BRDT: variants seen among roughly 807,000 people sequenced by gnomAD.
BRDT encodes bromodomain testis associated.
BRDT carries 77 observed loss-of-function variants against 113.9 expected under a neutral mutation model. The ratio of observed to expected loss-of-function variants is 0.68; its 90% CI spans 0.56 to 0.82. BRDT has a LOEUF of 0.82. BRDT is among the 40% of genes least tolerant of loss of function. The pLI, the probability that BRDT is intolerant of heterozygous loss-of-function variation, is 0.00. For synonymous variants in BRDT, 358 were observed against 366.5 expected (o/e 0.98, Z 0.26); for missense variants, 1,027 against 1,105.4 (o/e 0.93, Z 1.01).
rs1684735453 is a variant in BRDT, at chr1:91,981,580, ATTC to A, written c.1865-33_1865-31del. On this transcript the variant is annotated intron_variant, in intron 11 of 18. Transcript: ENST00000399546. ...TTTTAAATGTTCCTGCAACTATTTA[ATTC>A]TTCTGGCATTTTAATATGTTTCTCT... 1.9e-5 allele frequency: 31 copies of A among 1,605,538 alleles called. No individual in the cohort carries two copies. In the East Asian group the frequency reaches 6.9e-4, roughly 36 times the overall value.
chr1:91,994,291 A>G (rs762095474), intron 15 of BRDT, 37 bp downstream of exon 15: 7 of 1,507,324 alleles, frequency 4.6e-6, no homozygotes, highest in Non-Finnish European at 6.3e-6. Flanking sequence ...TTATTGAGAA[A>G]TTGACTTCTA....
At position 91,994,665 on chromosome 1, in the gene BRDT, G is replaced by A. The variant is rs367738384; in HGVS notation, c.2287+411G>A. Among the ~76,000 whole-genome samples, 111 of 151,910 alleles carry A rather than the reference G, an allele frequency of 7.3e-4. No homozygotes were observed. In the East Asian group the frequency reaches 0.02, roughly 27 times the overall value. On this transcript the variant is annotated intron_variant, in intron 15 of 18. Coordinates refer to ENST00000399546, the MANE Select transcript of BRDT (RefSeq NM_207189.4). Reference sequence around the variant, plus strand: ...GCGGATCACGAGGTCAGGAGATTGAGACCATCCCGGCTAAAAAACGGTGAA... The same window carrying A: ...GCGGATCACGAGGTCAGGAGATTGAAACCATCCCGGCTAAAAAACGGTGAA...
chr1:91,976,450 G>A lies in BRDT; in HGVS notation c.618+12G>A. Reference sequence around the variant, plus strand: ...AAACTGCGGCCCAAGTAAGTTTGTTGTAGTTTTTAAATCATTGCTTTTTAA... The same window carrying A: ...AAACTGCGGCCCAAGTAAGTTTGTTATAGTTTTTAAATCATTGCTTTTTAA... On this transcript the variant is annotated intron_variant, in intron 5 of 18. Transcript: ENST00000399546. The A allele has an allele frequency of 1.3e-6, 2 of 1,518,032 alleles. No individual in the cohort carries two copies. The highest frequency in any genetic ancestry group is 1.8e-6 in the Non-Finnish European group (2 of 1,136,898). 94.0% of individuals were successfully genotyped at this position (1,518,032 alleles called of 1,614,324 possible).
chr1:91,960,233 C>A (rs972642286), intron 1 of BRDT, among the ~76,000 whole-genome samples: 2 of 152,062 alleles, frequency 1.3e-5, no homozygotes, highest in African/African-American at 4.8e-5. Context: ...GGTCCTGAGA[C>A]ACTTGTAAAC....
At chr1:91,951,439 CTG>C (rs1681063724) in intron 1 of BRDT, among the ~76,000 whole-genome samples, 1 of 151,444 alleles carries the variant, frequency 6.6e-6, no homozygotes, top group Non-Finnish European at 1.5e-5. Context: ...TTTGAAGTGG[CTG>C]AGATTGGCAT....
chr1:91,960,114 G>A (rs1191171160), intron 1 of BRDT, among the ~76,000 whole-genome samples: 1 of 152,158 alleles, frequency 6.6e-6, no homozygotes, highest in Admixed American at 6.6e-5. Flanking sequence ...GTGAAATCAT[G>A]TATTGACCAT....
chr1:91,966,000 C>T (rs1327566827), intron 3 of BRDT, among the ~76,000 whole-genome samples: 1 of 152,064 alleles, frequency 6.6e-6, no homozygotes, highest in Non-Finnish European at 1.5e-5. Context: ...TGAATTTGCC[C>T]ATATGATATA....
At position 91,976,280 on chromosome 1, in the gene BRDT, A is replaced by G. The variant is rs745388701; in HGVS notation, c.460A>G (p.Ile154Val). 4 of 1,608,808 alleles carry G rather than the reference A, an allele frequency of 2.5e-6. No homozygotes were observed. Among genetic ancestry groups the G allele is most frequent in the African/African-American group, 2.7e-5 (2 of 74,706 alleles). The change falls in exon 5 of 19, where the codon ATA becomes GTA. Residue 154 changes from isoleucine (I) to valine (V), a missense_variant. Coordinates refer to ENST00000399546, the MANE Select transcript of BRDT (RefSeq NM_207189.4). The stretch of plus-strand genomic sequence containing the variant: ...TACTTTTCCAGGCACTCAACAGAAT[A>G]TAGCTGTTTCTTCTGCTAAAGAAAA... ...ERIKKGTQQN[I>V]AVSSAKEKSS...
At chr1:91,955,188 G>A (rs1487478005) in intron 1 of BRDT, among the ~76,000 whole-genome samples, 3 of 152,150 alleles carry the variant, frequency 2.0e-5, no homozygotes, top group Non-Finnish European at 2.9e-5. Flanking sequence ...GGGTGCGGTG[G>A]CTCAATCCTG....
At chr1:91,996,314 C>CCT (rs1686329678) in intron 15 of BRDT, among the ~76,000 whole-genome samples, 1 of 152,034 alleles carries the variant, frequency 6.6e-6, no homozygotes, top group Non-Finnish European at 1.5e-5. Context: ...AGTAGCACAA[C>CCT]CTCTGCTCAC....
At chr1:91,986,452 T>C (rs1685249126) in intron 12 of BRDT, among the ~76,000 whole-genome samples, 1 of 152,216 alleles carries the variant, frequency 6.6e-6, no homozygotes, top group Admixed American at 6.5e-5. Context: ...TTTTTCAGTG[T>C]ACTTAATTTC....
rs767644399 is a variant in BRDT at position 91,962,820 on chromosome 1, T to C, written c.66T>C (p.Thr22=). The C allele has an allele frequency of 1.2e-6, 2 of 1,612,494 alleles. No homozygotes were observed. Among genetic ancestry groups the C allele is most frequent in the East Asian group, 2.2e-5 (1 of 44,836 alleles). The part of the protein sequence containing the change: ...VNPPPPEYIN[T]KKNGRLTNQL... ...CTCCTCCACCAGAATATATAAATACTAAGAAAAATGGGCGATTGACAAATC... is the reference window on the plus strand; with the variant it reads ...CTCCTCCACCAGAATATATAAATACCAAGAAAAATGGGCGATTGACAAATC... Residue 22 remains threonine (T), a synonymous_variant, in exon 2 of 19, where the codon ACT becomes ACC. Transcript: ENST00000399546.
chr1:92,000,147 G>C (rs758569286), intron 15 of BRDT, among the ~76,000 whole-genome samples: 3 of 152,180 alleles, frequency 2.0e-5, no homozygotes, highest in Non-Finnish European at 2.9e-5. Flanking sequence ...CAAAGTGCTG[G>C]GATTGCAGGC....
chr1:91,970,139 G>GT (rs551560545), intron 4 of BRDT, among the ~76,000 whole-genome samples: 18 of 151,748 alleles, frequency 1.2e-4, no homozygotes, highest in East Asian at 1.2e-3. Context: ...CTACATTTAA[G>GT]TTTTTTGTTA....
chr1:91,987,675 T>A (rs1685383256), intron 12 of BRDT, among the ~76,000 whole-genome samples: 1 of 125,646 alleles, frequency 8.0e-6, no homozygotes, highest in Non-Finnish European at 1.9e-5. Context: ...TTTGTTTTTT[T>A]AAATCATATT....
At position 91,978,232 on chromosome 1, in the gene BRDT, T is replaced by C; in HGVS notation, c.1034T>C (p.Phe345Ser). Reference protein sequence around the residue: ...YKFAADVRLMFMNCYKYNPPD... With the variant: ...YKFAADVRLMSMNCYKYNPPD... ...TTTGCGGCAGATGTTAGATTAATGT[T>C]CATGAATTGCTACAAGTACAATCCT... The change falls in exon 7 of 19, where the codon TTC becomes TCC. Residue 345 changes from phenylalanine to serine, a missense_variant. Transcript: ENST00000399546. 1 of 1,614,124 alleles carries C rather than the reference T, an allele frequency of 6.2e-7. No homozygotes were observed.
At chr1:91,954,557 G>A (rs1007355480) in intron 1 of BRDT, among the ~76,000 whole-genome samples, 1 of 152,184 alleles carries the variant, frequency 6.6e-6, no homozygotes, top group Admixed American at 6.6e-5. Flanking sequence ...TGGGTTTACA[G>A]ACATGAGCCA....
chr1:91,994,863 G>A (rs1414527916), intron 15 of BRDT, among the ~76,000 whole-genome samples: 5 of 57,788 alleles, frequency 8.7e-5, no homozygotes, highest in Admixed American at 3.1e-4. Context: ...GCAAGACTCC[G>A]TCTCAAAAAA....
At chr1:91,992,113 C>A (rs1336787719) in intron 13 of BRDT, 151 bp from the exon 14 acceptor site, 5 of 335,478 alleles carry the variant, frequency 1.5e-5, no homozygotes, top group East Asian at 1.1e-4. Flanking sequence ...TCCAAACATA[C>A]AATTATTTAT....
Sources: allele counts gnomAD v4.1 joint callset (sites outside exome capture counted in the v4.1 genomes callset), GRCh38; gene constraint gnomAD v4.1.1; transcripts MANE v1.5; gene names NCBI Gene and HGNC (gene_info 2026-07-23, HGNC 2026-07-21).